Variants in PRDM16 observed in about 807,000 individuals in gnomAD.
PRDM16 encodes PR/SET domain 16.
Under a neutral mutation model 110.6 loss-of-function variants are expected in PRDM16, and 23 were observed. The observed-to-expected ratio is 0.21, with a 90% confidence interval of 0.15 to 0.29. PRDM16 has a LOEUF of 0.29. PRDM16 is among the 10% of genes least tolerant of loss of function. PRDM16 has a pLI of 1.00. For synonymous variants in PRDM16, 799 were observed against 781.8 expected (o/e 1.02, Z -0.37); for missense variants, 1,615 against 1,794.3 (o/e 0.90, Z 1.81).
At chr1:3,366,137 C>T (rs1481846135) in intron 3 of PRDM16, among the ~76,000 whole-genome samples, 1 of 152,238 alleles carries the variant, frequency 6.6e-6, no homozygotes, top group African/African-American at 2.4e-5. Flanking sequence ...CTCAGGGGGG[C>T]TCTAGCGCCC....
chr1:3,201,456 C>T lies in PRDM16; in HGVS notation c.387+14982C>T, dbSNP rs1638625436. Among the ~76,000 whole-genome samples the T allele has an allele frequency of 1.3e-5, 2 of 152,196 alleles. No individual in the cohort carries two copies. Among genetic ancestry groups the T allele is most frequent in the South Asian group, 4.2e-4 (2 of 4,802 alleles). On this transcript the variant is annotated intron_variant, in intron 2 of 16. Transcript: ENST00000270722. The surrounding 1 kb of genome is among the most constrained non-coding windows in gnomAD (Gnocchi z 4.1). ...CTCACCCTGGCCCCACACCAGAGCT[C>T]CCACCGCAGGGCCCAGCCTCCTGCT...
chr1:3,277,746 CGCACACACAT>C (rs70938083), intron 3 of PRDM16, among the ~76,000 whole-genome samples: 11,871 of 150,974 alleles, frequency 0.079, 613 homozygotes, highest in Middle Eastern at 0.15. Context: ...CACACGCACA[CGCACACACAT>C]GCACACACGC....
intron 3 of PRDM16, among the ~76,000 whole-genome samples, chr1:3,291,191 G>A (rs903441257): frequency 6.6e-6 from 1 of 152,090 alleles, no homozygotes; most frequent in Non-Finnish European, 1.5e-5. Context: ...GGCCTCTCTC[G>A]GGGTGGCAAT....
Position 3,156,946 on chromosome 1 carries a change from G to A in PRDM16, c.38-29179G>A, listed in dbSNP as rs182020520. On this transcript the variant is annotated intron_variant, in intron 1 of 16. Transcript: ENST00000270722. ...CGGTGGGGACACGGGGTCTCCCAGC[G>A]TGTCAGGACGGAGGGTGCTGTAGGA... Among the ~76,000 whole-genome samples the A allele has an allele frequency of 9.8e-5, 15 of 152,352 alleles. No individual in the cohort carries two copies. In the East Asian group the frequency reaches 1.4e-3, roughly 14 times the overall value.
At chr1:3,230,673 G>A (rs1028202766) in intron 2 of PRDM16, among the ~76,000 whole-genome samples, 2 of 152,208 alleles carry the variant, frequency 1.3e-5, no homozygotes, top group African/African-American at 4.8e-5. Flanking sequence ...GCTCCGACGC[G>A]GCCCCGGTTG....
At chr1:3,341,892 C>T (rs369250964) in intron 3 of PRDM16, among the ~76,000 whole-genome samples, 1 of 152,196 alleles carries the variant, frequency 6.6e-6, no homozygotes, top group Non-Finnish European at 1.5e-5. Flanking sequence ...CTGTCTTCTT[C>T]GGGTAGGTTA....
chr1:3,184,861 C>T (rs1340646994), intron 1 of PRDM16, among the ~76,000 whole-genome samples: 1 of 152,176 alleles, frequency 6.6e-6, no homozygotes, highest in Admixed American at 6.5e-5. Context: ...CTGGTCCAGG[C>T]TGCGCGTGCC....
Position 3,366,242 on chromosome 1 carries a change from C to T in PRDM16, c.439-18910C>T, listed in dbSNP as rs75591455. On this transcript the variant is annotated intron_variant, in intron 3 of 16. Coordinates refer to ENST00000270722, the MANE Select transcript of PRDM16 (RefSeq NM_022114.4). ...CACTGAGCACGACCATGACTTAATG[C>T]GCTTGGCGGCCGCTCGCAGACTAGA... is the stretch of plus-strand genomic sequence containing the variant. 2.1e-3 allele frequency among the ~76,000 whole-genome samples: 321 copies of T among 152,348 alleles called. 1 individual carries two copies. The highest frequency in any genetic ancestry group is 7.3e-3 in the African/African-American group (304 of 41,588).
chr1:3,364,039 A>T (rs928205634), intron 3 of PRDM16, among the ~76,000 whole-genome samples: 3 of 151,692 alleles, frequency 2.0e-5, no homozygotes, highest in Admixed American at 6.6e-5. Context: ...GCGGGGGGGA[A>T]GTTCACATGC....
At chr1:3,090,864 G>C (rs947646632) in intron 1 of PRDM16, among the ~76,000 whole-genome samples, 19 of 152,332 alleles carry the variant, frequency 1.2e-4, no homozygotes, top group Admixed American at 9.8e-4. Flanking sequence ...AGGACCCTCA[G>C]GCTCCGAGCC....
At chr1:3,182,133 C>T (rs897875727) in intron 1 of PRDM16, among the ~76,000 whole-genome samples, 6 of 152,276 alleles carry the variant, frequency 3.9e-5, no homozygotes, top group Admixed American at 3.9e-4. Context: ...GTGGGGCCTG[C>T]AGGCCTCATG....
In PRDM16 at chr1:3,402,936, C is replaced by T. The variant is rs372730781; in HGVS notation, c.822C>T (p.Gly274=). The change falls in exon 6 of 17, where the codon GGC becomes GGT. Residue 274 remains glycine, a synonymous_variant. Coordinates refer to ENST00000270722, the MANE Select transcript of PRDM16 (RefSeq NM_022114.4). ...AGGAGCTCAAGCCCGAGGGCCTTGG[C>T]GGTGGCAGCGGCCAAGCCCACGAGT... ...LAEELKPEGL[G]GGSGQAHECK... 128 of 1,612,520 alleles carry T rather than the reference C, an allele frequency of 7.9e-5. No individual in the cohort carries two copies. Among genetic ancestry groups the T allele is most frequent in the South Asian group, 2.4e-4 (22 of 91,078 alleles).
At chr1:3,256,644 G>C (rs1043487156) in intron 3 of PRDM16, among the ~76,000 whole-genome samples, 1 of 152,042 alleles carries the variant, frequency 6.6e-6, no homozygotes, top group African/African-American at 2.4e-5. Flanking sequence ...GGATCATGAG[G>C]TCAGGAGATC....
intron 1 of PRDM16, among the ~76,000 whole-genome samples, chr1:3,074,940 C>T (rs1641863171): frequency 6.6e-6 from 1 of 152,240 alleles, no homozygotes; most frequent in African/African-American, 2.4e-5. Flanking sequence ...CTGGGTGTCT[C>T]CTAGGCTGCA....
In PRDM16 at chr1:3,246,120, G is replaced by A. The variant is rs1639785287; in HGVS notation, c.438+1983G>A. ...CTGCTTCTGAACCAGAACGAACTAG[G>A]ACAGAAGGAGGGTGAAGTGGGCGCC... On this transcript the variant is annotated intron_variant, in intron 3 of 16. Transcript: ENST00000270722. This position sits in a 1 kb window ranked among gnomAD's most constrained non-coding sequence, Gnocchi z 5.2. Among the ~76,000 whole-genome samples the A allele has an allele frequency of 6.6e-6, 1 of 152,178 alleles. No homozygotes were observed. Among genetic ancestry groups the A allele is most frequent in the African/African-American group, 2.4e-5 (1 of 41,440 alleles).
At chr1:3,154,222 C>T (rs1403736887) in intron 1 of PRDM16, among the ~76,000 whole-genome samples, 2 of 152,060 alleles carry the variant, frequency 1.3e-5, no homozygotes, top group Admixed American at 6.5e-5. Context: ...GATCCACCAC[C>T]GTATCCCTAA....
At chr1:3,251,851 A>G (rs1464004917) in intron 3 of PRDM16, among the ~76,000 whole-genome samples, 1 of 152,240 alleles carries the variant, frequency 6.6e-6, no homozygotes, top group African/African-American at 2.4e-5. Flanking sequence ...TTAGGAGAGA[A>G]AAATAGATCA....
At chr1:3,194,653 C>T (rs1354545395) in intron 2 of PRDM16, among the ~76,000 whole-genome samples, 7 of 147,690 alleles carry the variant, frequency 4.7e-5, no homozygotes, top group East Asian at 2.0e-4. Context: ...CACACGCCAC[C>T]GTCTCCCCGC....
intron 4 of PRDM16, chr1:3,394,546 A>G: frequency 2.4e-6 from 1 of 416,664 alleles, no homozygotes; most frequent in Non-Finnish European, 4.9e-6. Context: ...GCGGGCGGCC[A>G]GGGTCCACAT....
Sources: allele counts gnomAD v4.1 joint callset (sites outside exome capture counted in the v4.1 genomes callset), GRCh38; gene constraint gnomAD v4.1.1; non-coding constraint Gnocchi (gnomAD v3.1); transcripts MANE v1.5; gene names NCBI Gene and HGNC (gene_info 2026-07-23, HGNC 2026-07-21).